The following LMX1B variants were observed in gnomAD, a reference collection of about 807,000 sequenced individuals.
The protein encoded by LMX1B is LIM homeobox transcription factor 1 beta, also known as LIM homeobox transcription factor 1-beta.
LMX1B carries 12 observed loss-of-function variants against 51.4 expected under a neutral mutation model. That is an observed-to-expected ratio of 0.23 (90% CI 0.15 to 0.38). The LOEUF (loss-of-function observed/expected upper bound fraction) is 0.38, where lower values mean the gene tolerates loss of function less well. Among genes scored for constraint, LMX1B ranks in the 10% least tolerant of loss-of-function variants. The pLI, the probability that LMX1B is intolerant of heterozygous loss-of-function variation, is 1.00. For missense variants in LMX1B, 445 were observed against 571.1 expected, an observed-to-expected ratio of 0.78 and a Z score of 2.25; for synonymous variants, 237 against 235.4, an observed-to-expected ratio of 1.01 and a Z score of -0.06.
rs1454046170 is a variant in LMX1B, at chr9:126,626,899, C to T, written c.326+11330C>T. Reference sequence around the variant, plus strand: ...TGGGCCGAAGGGCGGCCTAAGACAACGCAGATGGTTCCTATCAGCCCGGCC... The same window carrying T: ...TGGGCCGAAGGGCGGCCTAAGACAATGCAGATGGTTCCTATCAGCCCGGCC... On this transcript the variant is annotated intron_variant, in intron 2 of 7. Transcript: ENST00000373474. The surrounding 1 kb of genome is among the most constrained non-coding windows in gnomAD (Gnocchi z 4.3). Among the ~76,000 whole-genome samples the T allele has an allele frequency of 2.6e-5, 4 of 152,178 alleles. No individual in the cohort carries two copies. Among genetic ancestry groups the T allele is most frequent in the Admixed American group, 1.3e-4 (2 of 15,276 alleles).
intron 2 of LMX1B, among the ~76,000 whole-genome samples, chr9:126,652,987 A>G (rs1049582061): frequency 6.6e-6 from 1 of 152,118 alleles, no homozygotes; most frequent in African/African-American, 2.4e-5. Flanking sequence ...AAGACTGAAA[A>G]CAAACCCAGC....
In LMX1B at chr9:126,692,328, C is replaced by T. The variant is rs148625049; in HGVS notation, c.560-814C>T. On this transcript the variant is annotated intron_variant, in intron 3 of 7. Transcript: ENST00000373474. ...CAAGAACAGGATTGAAGAAAGGAGACCAGCCTGGGGGGCAGCGGGAGGCCC... is the reference window on the plus strand; with the variant it reads ...CAAGAACAGGATTGAAGAAAGGAGATCAGCCTGGGGGGCAGCGGGAGGCCC... Among the ~76,000 whole-genome samples, 12 of 152,328 alleles carry T rather than the reference C, an allele frequency of 7.9e-5. No individual in the cohort carries two copies. The East Asian group carries it at 2.3e-3, about 29-fold the overall frequency.
At chr9:126,656,827 G>A (rs554627068) in intron 2 of LMX1B, among the ~76,000 whole-genome samples, 2 of 152,358 alleles carry the variant, frequency 1.3e-5, no homozygotes, top group South Asian at 2.1e-4. Context: ...CTCACAGGAT[G>A]CCACTGGCAC....
rs556972821 is a variant in LMX1B, at chr9:126,689,441, C to T, written c.327-1395C>T. Among the ~76,000 whole-genome samples, 460 of 152,358 alleles carry T rather than the reference C, an allele frequency of 3.0e-3. 2 individuals carry two copies. The highest frequency in any genetic ancestry group is 1.0e-2 in the African/African-American group (415 of 41,586). On this transcript the variant is annotated intron_variant, in intron 2 of 7. Coordinates refer to ENST00000373474, the MANE Select transcript of LMX1B (RefSeq NM_001174147.2). ...ATAAAGAGGGATGGGATGTGCACAGCGCTCCCAAGGTGGCGCCCGCAGACA... is the reference window on the plus strand; with the variant it reads ...ATAAAGAGGGATGGGATGTGCACAGTGCTCCCAAGGTGGCGCCCGCAGACA...
Position 126,700,636 on chromosome 9 carries a change from C to T in LMX1B, c.*4185C>T, listed in dbSNP as rs1276898548. The T allele has an allele frequency of 6.6e-6, 1 of 152,324 alleles. No individual in the cohort carries two copies. Among genetic ancestry groups the T allele is most frequent in the Non-Finnish European group, 1.5e-5 (1 of 68,118 alleles). The allele number at this position is 152,324 out of a possible 1,614,324, so 9.4% of individuals were successfully genotyped here. A position where few individuals can be genotyped will look rare whatever the true frequency, so the allele number is the denominator to read the frequency against. ...ACACGGAGGCTTGCGGACCCATACT[C>T]ACAGGCACATGTGGCCTGGGGACTG... On this transcript the variant is annotated 3_prime_UTR_variant, in exon 8 of 8. Transcript: ENST00000373474.
At chr9:126,661,742 G>A (rs907215263) in intron 2 of LMX1B, among the ~76,000 whole-genome samples, 6 of 152,114 alleles carry the variant, frequency 3.9e-5, no homozygotes, top group Non-Finnish European at 7.4e-5. Context: ...CCAGGCCCCA[G>A]TGGGAGGGGC....
chr9:126,655,034 CTTT>C (rs1836086700), intron 2 of LMX1B, among the ~76,000 whole-genome samples: 5 of 152,362 alleles, frequency 3.3e-5, no homozygotes, highest in Admixed American at 2.6e-4. Flanking sequence ...GGGCAAGTCC[CTTT>C]ACCCTGTGAA....
rs372631218 is a variant in LMX1B at position 126,641,107 on chromosome 9, C to T, written c.326+25538C>T. ...CGAGGCACAGAGCTGAGTAGGCAAC[C>T]TGGCACGGGGGCATGTGGAAGGAGC... On this transcript the variant is annotated intron_variant, in intron 2 of 7. Coordinates refer to ENST00000373474, the MANE Select transcript of LMX1B (RefSeq NM_001174147.2). This position sits in a 1 kb window ranked among gnomAD's most constrained non-coding sequence, Gnocchi z 4.1. 1 of 152,358 alleles carries T rather than the reference C, an allele frequency of 6.6e-6. No individual in the cohort carries two copies. Among genetic ancestry groups the T allele is most frequent in the African/African-American group, 2.4e-5 (1 of 41,450 alleles). The allele number at this position is 152,358 out of a possible 1,614,324, so 9.4% of individuals were successfully genotyped here. A position where few individuals can be genotyped will look rare whatever the true frequency, so the allele number is the denominator to read the frequency against.
chr9:126,670,266 C>T (rs1263002402), intron 2 of LMX1B, among the ~76,000 whole-genome samples: 3 of 152,316 alleles, frequency 2.0e-5, no homozygotes, highest in Non-Finnish European at 4.4e-5. Flanking sequence ...TGAGTAGAGG[C>T]GGCAGACCTC....
intron 6 of LMX1B, among the ~76,000 whole-genome samples, chr9:126,694,459 G>A (rs1312650157): frequency 6.6e-6 from 1 of 152,204 alleles, no homozygotes; most frequent in East Asian, 1.9e-4. Context: ...ACTAGCTGCA[G>A]GGGCATGAGT....
chr9:126,686,829 C>CT (rs769085216), intron 2 of LMX1B, among the ~76,000 whole-genome samples: 1 of 152,198 alleles, frequency 6.6e-6, no homozygotes, highest in African/African-American at 2.4e-5. Flanking sequence ...CAGCATCTTC[C>CT]TTTGAGGGTT....
In LMX1B at chr9:126,667,157, C is replaced by A. The variant is rs544414556; in HGVS notation, c.327-23679C>A. On this transcript the variant is annotated intron_variant, in intron 2 of 7. Coordinates refer to ENST00000373474, the MANE Select transcript of LMX1B (RefSeq NM_001174147.2). ...AGATGCGTAACGTTCCAGGCCTTTC[C>A]TACAACATAGGAGCATGTTCTGTGC... 2.6e-5 allele frequency among the ~76,000 whole-genome samples: 4 copies of A among 152,332 alleles called. No homozygotes were observed. The East Asian group carries it at 7.7e-4, about 29-fold the overall frequency.
At chr9:126,653,827 G>T (rs1037639083) in intron 2 of LMX1B, among the ~76,000 whole-genome samples, 17 of 151,914 alleles carry the variant, frequency 1.1e-4, no homozygotes, top group Middle Eastern at 3.4e-3. Context: ...CCACCTCCCA[G>T]GCCCCCAAGC....
chr9:126,696,783 A>C lies in LMX1B; in HGVS notation c.*332A>C. 3 of 406,320 alleles carry C rather than the reference A, an allele frequency of 7.4e-6. No individual in the cohort carries two copies. The allele number at this position is 406,320 out of a possible 1,614,324, so 25.2% of individuals were successfully genotyped here. ...TTTTTGGGAAGCTTAAATTCTCTCT[A>C]TTTTTTTAAATGTCCTCTCTGTGTC... On this transcript the variant is annotated 3_prime_UTR_variant, in exon 8 of 8. Transcript: ENST00000373474.
chr9:126,619,683 G>A (rs569699991), intron 2 of LMX1B, among the ~76,000 whole-genome samples: 1 of 152,356 alleles, frequency 6.6e-6, no homozygotes, highest in Non-Finnish European at 1.5e-5. Context: ...TGTGCAAGAC[G>A]GTAAGCACAG....
intron 2 of LMX1B, among the ~76,000 whole-genome samples, chr9:126,666,029 G>A (rs759966824): frequency 5.3e-5 from 8 of 152,266 alleles, no homozygotes; most frequent in Admixed American, 1.3e-4. Context: ...CGAGCTAGGC[G>A]CTGTGCCGAG....
intron 2 of LMX1B, among the ~76,000 whole-genome samples, chr9:126,663,428 AAAAAAAAAAAG>A (rs1286613207): frequency 4.4e-5 from 4 of 90,872 alleles, no homozygotes; most frequent in African/African-American, 1.1e-4. Flanking sequence ...TTTCTCAAAA[AAAAAAAAAAAG>A]AAAAAAAAAA....
chr9:126,635,283 A>C (rs2118868709), intron 2 of LMX1B, among the ~76,000 whole-genome samples: 1 of 152,354 alleles, frequency 6.6e-6, no homozygotes, highest in African/African-American at 2.4e-5. Flanking sequence ...CACAGGGAGC[A>C]GGCCCGGGGC....
chr9:126,683,438 G>A (rs548246985), intron 2 of LMX1B, among the ~76,000 whole-genome samples: 2 of 152,198 alleles, frequency 1.3e-5, no homozygotes, highest in African/African-American at 4.8e-5. Flanking sequence ...GCAGGCACGT[G>A]GGGGAGATGT....
Sources: allele counts gnomAD v4.1 joint callset (sites outside exome capture counted in the v4.1 genomes callset), GRCh38; gene constraint gnomAD v4.1.1; non-coding constraint Gnocchi (gnomAD v3.1); transcripts MANE v1.5; gene names NCBI Gene and HGNC (gene_info 2026-07-23, HGNC 2026-07-21).